Variants in WDR47 observed in about 807,000 individuals in gnomAD.
The protein encoded by WDR47 is WD repeat domain 47.
A neutral mutation model predicts 97.2 loss-of-function variants in WDR47; 32 were observed. The observed-to-expected ratio is 0.33, with a 90% CI of 0.25 to 0.44. The LOEUF (loss-of-function observed/expected upper bound fraction) is 0.44, where lower values mean the gene tolerates loss of function less well. WDR47 is among the 20% of genes least tolerant of loss of function. The probability of loss-of-function intolerance (pLI) is 1.00; values close to 1 mark genes in which losing one functional copy is unlikely to be tolerated. For synonymous variants in WDR47, 375 were observed against 373.5 expected (o/e 1.00, Z -0.05); for missense variants, 782 against 1,102.3 (o/e 0.71, Z 4.11).
rs141433998 is a variant in WDR47, at chr1:108,992,028, G to A, written c.1692-699C>T. ...GCTTTCTAGATACCTGAAAAAAGCC[G>A]AGATAAAAGGTAGAGACTAAAATCA... On this transcript the variant is annotated intron_variant, in intron 8 of 14. Transcript: ENST00000369962. Among the ~76,000 whole-genome samples, 982 of 152,062 alleles carry A rather than the reference G, an allele frequency of 6.5e-3. 2 individuals are homozygous for A. The highest frequency in any genetic ancestry group is 0.021 in the African/African-American group (868 of 41,500).
intron 5 of WDR47, among the ~76,000 whole-genome samples, chr1:109,008,739 C>T (rs1425154317): frequency 2.0e-5 from 3 of 152,060 alleles, no homozygotes; most frequent in Non-Finnish European, 1.5e-5. Context: ...TCCTGAGTAG[C>T]TGGGACTACA....
At chr1:109,035,574 T>C (rs1181346882) in intron 1 of WDR47, among the ~76,000 whole-genome samples, 2 of 151,666 alleles carry the variant, frequency 1.3e-5, no homozygotes, top group Non-Finnish European at 2.9e-5. Context: ...CTTGGCTCAT[T>C]GCAATCTCTG....
intron 9 of WDR47, among the ~76,000 whole-genome samples, chr1:108,989,862 T>A (rs1228672882): frequency 6.6e-6 from 1 of 152,040 alleles, no homozygotes; most frequent in Admixed American, 6.6e-5. Flanking sequence ...ACTCAGCTAA[T>A]TTTTTGTATT....
At chr1:108,998,256 A>G (rs2101889179) in intron 7 of WDR47, among the ~76,000 whole-genome samples, 1 of 152,276 alleles carries the variant, frequency 6.6e-6, no homozygotes, top group Middle Eastern at 3.4e-3. Context: ...TAATCCTAGC[A>G]CTTTGGGAGG....
At chr1:108,982,074 C>T (rs906439890) in intron 12 of WDR47, among the ~76,000 whole-genome samples, 1 of 151,568 alleles carries the variant, frequency 6.6e-6, no homozygotes, top group Non-Finnish European at 1.5e-5. Flanking sequence ...GGCAACAGTG[C>T]AAGACCCTGT....
intron 5 of WDR47, among the ~76,000 whole-genome samples, chr1:109,008,800 G>A (rs978948886): frequency 3.3e-5 from 5 of 151,448 alleles, no homozygotes; most frequent in African/African-American, 1.2e-4. Flanking sequence ...TAGAGACAGG[G>A]TTTCATCATG....
At chr1:109,033,540 C>T (rs1257340522) in intron 1 of WDR47, among the ~76,000 whole-genome samples, 1 of 152,158 alleles carries the variant, frequency 6.6e-6, no homozygotes, top group Non-Finnish European at 1.5e-5. Flanking sequence ...TTACGGCCTA[C>T]CAGTTTTGAA....
intron 7 of WDR47, among the ~76,000 whole-genome samples, chr1:108,997,058 G>A (rs1659802231): frequency 6.6e-6 from 1 of 151,748 alleles, no homozygotes; most frequent in South Asian, 2.1e-4. Context: ...GGAGGCTGCA[G>A]TGAGCCAAGA....
Position 108,983,361 on chromosome 1 carries a change from A to G in WDR47, c.2016T>C (p.Cys672=), listed in dbSNP as rs779348421. 1 of 1,613,116 alleles carries G rather than the reference A, an allele frequency of 6.2e-7. No homozygotes were observed. Among genetic ancestry groups the G allele is most frequent in the South Asian group, 1.1e-5 (1 of 90,952 alleles). The change falls in exon 11 of 15, where the codon TGT becomes TGC. Residue 672 remains cysteine (C), a synonymous_variant. Coordinates refer to ENST00000369962, the MANE Select transcript of WDR47 (RefSeq NM_001142551.2). ...TTGATCCTGTTGCTAATAACTGCCC[A>G]CAAGGACTCCAGGCCACACAGTAAA... The part of the protein sequence containing the change: ...GSIYCVAWSP[C]GQLLATGSND...
chr1:108,986,704 T>C (rs779812429), intron 9 of WDR47, 24 bp from the exon 10 acceptor site: 15 of 767,328 alleles, frequency 2.0e-5, no homozygotes, highest in Non-Finnish European at 2.8e-5. Context: ...GAATATTAGT[T>C]ATCCTATTAA....
chr1:109,038,539 T>G (rs1405511778), intron 1 of WDR47, among the ~76,000 whole-genome samples: 5 of 151,654 alleles, frequency 3.3e-5, no homozygotes, highest in African/African-American at 1.2e-4. Flanking sequence ...ATTAGCCAGG[T>G]GTGGTGGCAA....
At chr1:109,008,653 G>C (rs1490553010) in intron 5 of WDR47, among the ~76,000 whole-genome samples, 1 of 152,024 alleles carries the variant, frequency 6.6e-6, no homozygotes, top group Admixed American at 6.6e-5. Context: ...TGTTGCCCAG[G>C]CTGGAGTGCA....
At chr1:109,036,673 A>G (rs1413952343) in intron 1 of WDR47, among the ~76,000 whole-genome samples, 1 of 151,960 alleles carries the variant, frequency 6.6e-6, no homozygotes. Flanking sequence ...CGTCTCTACT[A>G]ACAATACAAA....
chr1:108,981,036 G>A (rs1283807089), intron 13 of WDR47, among the ~76,000 whole-genome samples: 5 of 151,208 alleles, frequency 3.3e-5, no homozygotes, highest in Admixed American at 6.6e-5. Context: ...GCTGAGGCAG[G>A]AGAATGGTGT....
At chr1:109,038,506 C>T (rs567926481) in intron 1 of WDR47, among the ~76,000 whole-genome samples, 1 of 152,060 alleles carries the variant, frequency 6.6e-6, no homozygotes, top group Non-Finnish European at 1.5e-5. Context: ...TGGCAAAACC[C>T]TATCTCTACA....
chr1:108,975,578 G>A (rs1003950377), intron 13 of WDR47, among the ~76,000 whole-genome samples: 5 of 150,986 alleles, frequency 3.3e-5, no homozygotes, highest in African/African-American at 7.3e-5. Flanking sequence ...CTGAGATTGC[G>A]CCACTGCACT....
intron 5 of WDR47, among the ~76,000 whole-genome samples, chr1:109,010,034 G>C (rs971899691): frequency 6.6e-6 from 1 of 151,494 alleles, no homozygotes; most frequent in Non-Finnish European, 1.5e-5. Context: ...CATACTCATA[G>C]AAAAAAAGAC....
chr1:109,021,890 C>T (rs969416559), intron 2 of WDR47, among the ~76,000 whole-genome samples: 1 of 151,878 alleles, frequency 6.6e-6, no homozygotes, highest in Non-Finnish European at 1.5e-5. Flanking sequence ...CTCTGTCGCC[C>T]AGGCTGGAGT....
chr1:109,016,482 A>G (rs934511084), intron 3 of WDR47, among the ~76,000 whole-genome samples: 8 of 152,122 alleles, frequency 5.3e-5, no homozygotes, highest in African/African-American at 1.7e-4. Flanking sequence ...AGTAGGAAAC[A>G]TACCAAAATC....
Sources: gnomAD v4.1 joint callset for allele counts (sites outside exome capture counted in the v4.1 genomes callset) on GRCh38, gnomAD v4.1.1 for gene constraint, MANE v1.5 for transcripts, NCBI Gene and HGNC (gene_info 2026-07-23, HGNC 2026-07-21) for gene names.